Variants in SGCZ observed in about 807,000 individuals in gnomAD.
The protein encoded by SGCZ is zeta-sarcoglycan.
Under a neutral mutation model 41.3 loss-of-function variants are expected in SGCZ, and 40 were observed. The observed-to-expected ratio is 0.97, with a 90% CI of 0.75 to 1.26. The LOEUF (loss-of-function observed/expected upper bound fraction) is 1.26, where lower values mean the gene tolerates loss of function less well. Ranked by LOEUF, SGCZ falls within the 50% of genes most tolerant of loss-of-function variation. SGCZ has a pLI of 0.00. For missense variants in SGCZ, 552 were observed against 369.8 expected, an observed-to-expected ratio of 1.49 and a Z score of -4.04; for synonymous variants, 206 against 137.5, an observed-to-expected ratio of 1.50 and a Z score of -3.49.
At chr8:15,047,801 G>A (rs1357174765) in intron 1 of SGCZ, among the ~76,000 whole-genome samples, 1 of 151,978 alleles carries the variant, frequency 6.6e-6, no homozygotes, top group Admixed American at 6.6e-5. Context: ...TCGTACCGCA[G>A]TTAAAGTGGC....
At chr8:14,397,215 A>G (rs985631302) in intron 2 of SGCZ, among the ~76,000 whole-genome samples, 2 of 152,158 alleles carry the variant, frequency 1.3e-5, no homozygotes, top group Admixed American at 1.3e-4. Flanking sequence ...ATTGAGATAC[A>G]TTAGAAATAT....
intron 1 of SGCZ, among the ~76,000 whole-genome samples, chr8:14,626,086 C>G (rs1806444710): frequency 6.6e-6 from 1 of 152,156 alleles, no homozygotes; most frequent in Non-Finnish European, 1.5e-5. Context: ...CACAAAATGT[C>G]AAATGATTAA....
At chr8:14,669,699 C>T (rs879416466) in intron 1 of SGCZ, among the ~76,000 whole-genome samples, 1,624 of 75,766 alleles carry the variant, frequency 0.021, 32 homozygotes, top group African/African-American at 0.079. Context: ...TGTATACACA[C>T]ACACACACAC....
intron 1 of SGCZ, among the ~76,000 whole-genome samples, chr8:15,041,882 T>TG (rs1222652399): frequency 2.0e-5 from 3 of 152,188 alleles, no homozygotes; most frequent in Non-Finnish European, 2.9e-5. Flanking sequence ...TTATATATTC[T>TG]GTTGATTTTT....
At chr8:14,900,056 T>G (rs1234544845) in intron 1 of SGCZ, among the ~76,000 whole-genome samples, 1 of 152,106 alleles carries the variant, frequency 6.6e-6, no homozygotes, top group Non-Finnish European at 1.5e-5. Context: ...TCTGTGGAAG[T>G]TGGATATTTT....
intron 3 of SGCZ, among the ~76,000 whole-genome samples, chr8:14,255,649 T>C (rs1369042374): frequency 6.6e-6 from 1 of 152,116 alleles, no homozygotes; most frequent in Non-Finnish European, 1.5e-5. Flanking sequence ...AATATTCTTT[T>C]AATGAATTTT....
chr8:14,110,638 G>A (rs1281348068), intron 5 of SGCZ, among the ~76,000 whole-genome samples: 1 of 152,114 alleles, frequency 6.6e-6, no homozygotes, highest in Non-Finnish European at 1.5e-5. Flanking sequence ...CACTCTCCCT[G>A]TTTTTGTCCT....
chr8:14,350,845 T>C (rs551769795), intron 2 of SGCZ, among the ~76,000 whole-genome samples: 1 of 152,200 alleles, frequency 6.6e-6, no homozygotes. Context: ...CTTGCATTAT[T>C]ATTGTATCGT....
At chr8:15,001,917 T>A (rs1467749476) in intron 1 of SGCZ, among the ~76,000 whole-genome samples, 1 of 152,150 alleles carries the variant, frequency 6.6e-6, no homozygotes, top group Non-Finnish European at 1.5e-5. Flanking sequence ...ACTGCCATGC[T>A]AGGCAGTTTG....
chr8:14,997,322 G>T (rs7836895), intron 1 of SGCZ, among the ~76,000 whole-genome samples: 59,931 of 151,988 alleles, frequency 0.39, 13,324 homozygotes, highest in African/African-American at 0.61. Context: ...TTCTTGCAAA[G>T]GACTGAAAAT....
chr8:14,965,411 T>C (rs1801100253), intron 1 of SGCZ, among the ~76,000 whole-genome samples: 1 of 151,586 alleles, frequency 6.6e-6, no homozygotes, highest in Non-Finnish European at 1.5e-5. Flanking sequence ...AGTAAAGGAG[T>C]CGCCAAAGAT....
intron 4 of SGCZ, among the ~76,000 whole-genome samples, chr8:14,221,730 G>A (rs201644607): frequency 3.9e-5 from 6 of 152,150 alleles, no homozygotes; most frequent in African/African-American, 1.2e-4. Context: ...GAGGTCAGGA[G>A]TTCAAGATCA....
At chr8:14,932,162 T>C (rs1443496395) in intron 1 of SGCZ, among the ~76,000 whole-genome samples, 1 of 152,010 alleles carries the variant, frequency 6.6e-6, no homozygotes, top group East Asian at 1.9e-4. Context: ...TACATAGTTC[T>C]CTGGTGACAA....
chr8:15,098,953 G>A (rs1343922364), intron 1 of SGCZ, among the ~76,000 whole-genome samples: 3 of 152,172 alleles, frequency 2.0e-5, no homozygotes, highest in South Asian at 2.1e-4. Flanking sequence ...AGCTACTCCG[G>A]AGGCTAAGGC....
intron 2 of SGCZ, among the ~76,000 whole-genome samples, chr8:14,333,048 GA>G (rs1203090259): frequency 2.0e-5 from 3 of 151,640 alleles, no homozygotes; most frequent in East Asian, 1.9e-4. Flanking sequence ...ATATTTTTGA[GA>G]AAAAAATATA....
At chr8:14,542,859 G>A (rs192474047) in intron 2 of SGCZ, among the ~76,000 whole-genome samples, 1 of 151,976 alleles carries the variant, frequency 6.6e-6, no homozygotes, top group African/African-American at 2.4e-5. Context: ...TGCTATTTAC[G>A]TTTAATCATC....
At chr8:14,540,622 T>A (rs1309151050) in intron 2 of SGCZ, among the ~76,000 whole-genome samples, 8 of 151,976 alleles carry the variant, frequency 5.3e-5, no homozygotes, top group African/African-American at 1.9e-4. Flanking sequence ...GATCACATTT[T>A]CACTTTCTGT....
intron 1 of SGCZ, among the ~76,000 whole-genome samples, chr8:14,567,780 C>T (rs1804419932): frequency 6.6e-6 from 1 of 152,098 alleles, no homozygotes; most frequent in African/African-American, 2.4e-5. Flanking sequence ...ACCACGAACC[C>T]ACTGGGAGGA....
At chr8:14,166,119 C>T (rs1291155377) in intron 4 of SGCZ, among the ~76,000 whole-genome samples, 2 of 152,026 alleles carry the variant, frequency 1.3e-5, no homozygotes, top group Non-Finnish European at 2.9e-5. Flanking sequence ...ATTTGAAAAG[C>T]TTCAACTAGG....
Sources: allele counts gnomAD v4.1 joint callset (sites outside exome capture counted in the v4.1 genomes callset), GRCh38; gene constraint gnomAD v4.1.1; transcripts MANE v1.5; gene names NCBI Gene and HGNC (gene_info 2026-07-23, HGNC 2026-07-21).